Variants in GPHN observed in about 807,000 individuals in gnomAD.
The protein encoded by GPHN is gephyrin.
Under a neutral mutation model 95.5 loss-of-function variants are expected in GPHN, and 17 were observed. The observed-to-expected ratio is 0.18, with a 90% CI of 0.12 to 0.27. The LOEUF is 0.27. Ranked by LOEUF, GPHN falls within the 10% of genes least tolerant of loss-of-function variation. The pLI is 1.00. For missense variants in GPHN, 660 were observed against 978.1 expected, an observed-to-expected ratio of 0.67 and a Z score of 4.34; for synonymous variants, 320 against 322.5, an observed-to-expected ratio of 0.99 and a Z score of 0.08.
At chr14:67,724,813 C>T in the GPHN span, among the ~76,000 whole-genome samples, 7 of 152,154 alleles carry the variant, frequency 4.6e-5, no homozygotes, top group Non-Finnish European at 8.8e-5. Context: ...ATAAGGAAAA[C>T]GATGTCTGTG....
At chr14:67,286,077 T>C in the GPHN span, among the ~76,000 whole-genome samples, 1 of 152,184 alleles carries the variant, frequency 6.6e-6, no homozygotes, top group East Asian at 1.9e-4. Flanking sequence ...GGGCAAATAA[T>C]TTAAACTAGA....
At chr14:67,525,125 G>C in the GPHN span, among the ~76,000 whole-genome samples, 1 of 152,036 alleles carries the variant, frequency 6.6e-6, no homozygotes, top group Non-Finnish European at 1.5e-5. Flanking sequence ...ACATAATATA[G>C]AAAAGAACAA....
the GPHN span, among the ~76,000 whole-genome samples, chr14:67,212,618 A>ATATATATGTATAATATATG: frequency 6.9e-6 from 1 of 145,684 alleles, no homozygotes; most frequent in Non-Finnish European, 1.5e-5. Context: ...TATATATGTA[A>ATATATATGTATAATATATG]TATATATTAT....
the GPHN span, among the ~76,000 whole-genome samples, chr14:67,266,440 C>T: frequency 6.6e-6 from 1 of 152,072 alleles, no homozygotes; most frequent in Admixed American, 6.5e-5. Flanking sequence ...ATTCTCATGC[C>T]TCAGCCTGCC....
the GPHN span, among the ~76,000 whole-genome samples, chr14:67,704,715 A>G: frequency 2.6e-3 from 401 of 152,352 alleles, 1 homozygote; most frequent in African/African-American, 8.8e-3. Flanking sequence ...ATCACCAGGG[A>G]AACAATTTAC....
chr14:66,594,795 G>A (rs927875673), intron 1 of GPHN, among the ~76,000 whole-genome samples: 5 of 151,990 alleles, frequency 3.3e-5, no homozygotes, highest in African/African-American at 1.2e-4. Context: ...AAGCACAGAC[G>A]ACAAAAGTAC....
At chr14:66,745,543 T>C (rs2058109445) in intron 2 of GPHN, among the ~76,000 whole-genome samples, 1 of 152,074 alleles carries the variant, frequency 6.6e-6, no homozygotes, top group African/African-American at 2.4e-5. Context: ...TTATAAATGA[T>C]AATTTGATAG....
chr14:67,124,656 C>G (rs888873534), intron 17 of GPHN, among the ~76,000 whole-genome samples: 11 of 152,132 alleles, frequency 7.2e-5, no homozygotes, highest in African/African-American at 2.7e-4. Context: ...ACACCAGATT[C>G]TTAGGGTTAT....
At chr14:67,382,332 C>T in the GPHN span, 1 of 914,512 alleles carries the variant, frequency 1.1e-6, no homozygotes, top group Non-Finnish European at 1.6e-6. Context: ...GTAGAATTGG[C>T]AATTACGTTT....
chr14:66,584,631 A>C (rs2061344041), intron 1 of GPHN, among the ~76,000 whole-genome samples: 1 of 152,166 alleles, frequency 6.6e-6, no homozygotes, highest in South Asian at 2.1e-4. Context: ...CCTTTTCTGC[A>C]TCTATTGAGA....
chr14:67,534,267 G>T, the GPHN span, among the ~76,000 whole-genome samples: 1 of 152,080 alleles, frequency 6.6e-6, no homozygotes, highest in Non-Finnish European at 1.5e-5. Flanking sequence ...TCCAAAGGAG[G>T]AAGCTGGGAC....
At chr14:67,595,282 T>A in the GPHN span, among the ~76,000 whole-genome samples, 1 of 152,224 alleles carries the variant, frequency 6.6e-6, no homozygotes, top group Admixed American at 6.5e-5. Flanking sequence ...TGAAAAACAA[T>A]GTTTGTATGG....
the GPHN span, among the ~76,000 whole-genome samples, chr14:67,274,256 G>T: frequency 2.1e-4 from 32 of 152,144 alleles, no homozygotes; most frequent in Middle Eastern, 3.2e-3. Context: ...CTGGTTTTAG[G>T]TCTAACATTT....
chr14:67,684,815 T>C, the GPHN span: 2 of 452,470 alleles, frequency 4.4e-6, no homozygotes, highest in East Asian at 3.4e-5. Flanking sequence ...TAATTATCAG[T>C]ATAAAAGATG....
the GPHN span, among the ~76,000 whole-genome samples, chr14:67,676,111 A>G: frequency 2.6e-5 from 4 of 152,160 alleles, no homozygotes; most frequent in Admixed American, 6.5e-5. Flanking sequence ...ATTAAAATAA[A>G]TTATTATTTT....
intron 16 of GPHN, among the ~76,000 whole-genome samples, chr14:67,118,823 A>G (rs1343965225): frequency 6.6e-6 from 1 of 152,152 alleles, no homozygotes; most frequent in Non-Finnish European, 1.5e-5. Context: ...GGAGAAAAGC[A>G]GAGAGCGTTT....
chr14:67,329,612 G>T, the GPHN span, among the ~76,000 whole-genome samples: 3 of 152,088 alleles, frequency 2.0e-5, no homozygotes, highest in African/African-American at 7.2e-5. Flanking sequence ...TTGGCTGTGG[G>T]TTTGTCATAA....
chr14:66,878,510 A>G (rs1838523627), intron 4 of GPHN, among the ~76,000 whole-genome samples: 1 of 152,220 alleles, frequency 6.6e-6, no homozygotes, highest in South Asian at 2.1e-4. Context: ...GAACTTAAAC[A>G]AATTTACAAG....
At chr14:67,295,489 C>CA in the GPHN span, among the ~76,000 whole-genome samples, 22,739 of 112,740 alleles carry the variant, frequency 0.2, 3,156 homozygotes, top group East Asian at 0.47. Context: ...GACCCTGTCT[C>CA]AAAAAAAAAA....
Sources: allele counts gnomAD v4.1 joint callset (sites outside exome capture counted in the v4.1 genomes callset), GRCh38; gene constraint gnomAD v4.1.1; transcripts MANE v1.5; gene names NCBI Gene and HGNC (gene_info 2026-07-23, HGNC 2026-07-21).